Variants in CNTNAP5 observed in about 807,000 individuals in gnomAD.
CNTNAP5 encodes contactin associated protein family member 5, also known as contactin-associated protein-like 5.
A neutral mutation model predicts 150.2 loss-of-function variants in CNTNAP5; 72 were observed. The ratio of observed to expected loss-of-function variants is 0.48; its 90% CI spans 0.40 to 0.58. CNTNAP5 has a LOEUF of 0.58. Ranked by LOEUF, CNTNAP5 falls within the 20% of genes least tolerant of loss-of-function variation. The pLI is 0.00. For missense variants in CNTNAP5, 1,636 were observed against 1,626.2 expected (o/e 1.01, Z -0.10); for synonymous variants, 672 against 619.8 (o/e 1.08, Z -1.25).
chr2:124,177,724 A>G (rs1465520084), intron 1 of CNTNAP5, among the ~76,000 whole-genome samples: 3 of 152,202 alleles, frequency 2.0e-5, no homozygotes, highest in Admixed American at 2.0e-4. Context: ...ACCTCATAGC[A>G]AGGAGATATT....
intron 3 of CNTNAP5, among the ~76,000 whole-genome samples, chr2:124,297,397 C>T (rs1688461435): frequency 1.3e-5 from 2 of 152,138 alleles, no homozygotes. Flanking sequence ...ATGATACACC[C>T]TTTGGATCTT....
intron 19 of CNTNAP5, among the ~76,000 whole-genome samples, chr2:124,862,430 A>G (rs1045606370): frequency 1.3e-5 from 2 of 152,206 alleles, no homozygotes; most frequent in Admixed American, 1.3e-4. Flanking sequence ...TGCAATGTCT[A>G]TCATTGCTGT....
chr2:124,730,880 T>C (rs1323213122), intron 13 of CNTNAP5, among the ~76,000 whole-genome samples: 1 of 152,212 alleles, frequency 6.6e-6, no homozygotes, highest in Non-Finnish European at 1.5e-5. Context: ...TCTTCAGATA[T>C]GGGGCTGTGA....
chr2:124,846,960 G>T (rs1261420056), intron 19 of CNTNAP5, among the ~76,000 whole-genome samples: 3 of 152,212 alleles, frequency 2.0e-5, no homozygotes, highest in Non-Finnish European at 1.5e-5. Context: ...AACAGCAACT[G>T]CTGCAGTGGA....
intron 3 of CNTNAP5, among the ~76,000 whole-genome samples, chr2:124,318,920 G>T (rs1293546681): frequency 6.6e-6 from 1 of 152,128 alleles, no homozygotes; most frequent in Non-Finnish European, 1.5e-5. Flanking sequence ...AACTCTCCAG[G>T]CAGTCTTCCT....
At chr2:124,605,152 C>T (rs1697072763) in intron 11 of CNTNAP5, among the ~76,000 whole-genome samples, 1 of 152,218 alleles carries the variant, frequency 6.6e-6, no homozygotes, top group Admixed American at 6.5e-5. Flanking sequence ...AGAACTACAG[C>T]TTACCACCAC....
At chr2:124,654,490 G>T (rs1678398031) in intron 13 of CNTNAP5, among the ~76,000 whole-genome samples, 1 of 152,012 alleles carries the variant, frequency 6.6e-6, no homozygotes, top group East Asian at 1.9e-4. Context: ...TCTAATTCGG[G>T]GCTGTGTGTG....
intron 5 of CNTNAP5, among the ~76,000 whole-genome samples, chr2:124,437,790 A>G (rs1022916539): frequency 2.0e-5 from 3 of 152,160 alleles, no homozygotes; most frequent in Admixed American, 1.3e-4. Flanking sequence ...GGTGAGAGAG[A>G]CAGAGAGAAA....
At chr2:124,767,872 G>C (rs182814526) in intron 16 of CNTNAP5, among the ~76,000 whole-genome samples, 28 of 152,278 alleles carry the variant, frequency 1.8e-4, no homozygotes, top group Admixed American at 9.8e-4. Context: ...TCGGTCTAAG[G>C]CTGGCTCTCC....
Position 124,606,941 on chromosome 2 carries a change from G to A in CNTNAP5, c.1757-2860G>A, listed in dbSNP as rs148555031. Reference sequence around the variant, plus strand: ...CCATATTAAAAACTCATAAAAAAAGGAGAGGCAACAAGTCATGAAACAACA... The same window carrying A: ...CCATATTAAAAACTCATAAAAAAAGAAGAGGCAACAAGTCATGAAACAACA... On this transcript the variant is annotated intron_variant, in intron 11 of 23. Transcript: ENST00000682447. Among the ~76,000 whole-genome samples, 321 of 152,170 alleles carry A rather than the reference G, an allele frequency of 2.1e-3. 1 individual carries two copies. The highest frequency in any genetic ancestry group is 7.4e-3 in the African/African-American group (309 of 41,498).
intron 10 of CNTNAP5, among the ~76,000 whole-genome samples, chr2:124,540,668 G>A (rs1402844435): frequency 1.4e-5 from 2 of 142,808 alleles, no homozygotes; most frequent in African/African-American, 5.3e-5. Flanking sequence ...CTTTTTTTTA[G>A]TATTATGAAT....
rs1678719121 is a variant in CNTNAP5 at position 124,914,355 on chromosome 2, T to C, written c.*67T>C. The C allele has an allele frequency of 6.7e-5, 78 of 1,163,418 alleles. No homozygotes were observed. In the South Asian group the frequency reaches 1.1e-3, roughly 16 times the overall value. 72.1% of individuals were successfully genotyped at this position (1,163,418 alleles called of 1,614,324 possible). A position where few individuals can be genotyped will look rare whatever the true frequency, so the allele number is the denominator to read the frequency against. Reference sequence around the variant, plus strand: ...ATTATCTCCTCCCCCTCTTCTCTCCTGTCTTTTGATTTGGTCATTCTCTTT... The same window carrying C: ...ATTATCTCCTCCCCCTCTTCTCTCCCGTCTTTTGATTTGGTCATTCTCTTT... On this transcript the variant is annotated 3_prime_UTR_variant, in exon 24 of 24. Coordinates refer to ENST00000682447, the MANE Select transcript of CNTNAP5 (RefSeq NM_001367498.1).
intron 3 of CNTNAP5, among the ~76,000 whole-genome samples, chr2:124,243,519 T>C (rs918741439): frequency 3.3e-5 from 5 of 152,194 alleles, no homozygotes; most frequent in Non-Finnish European, 5.9e-5. Flanking sequence ...AGTATTAATG[T>C]CATCTTTATT....
intron 1 of CNTNAP5, among the ~76,000 whole-genome samples, chr2:124,151,648 C>G (rs1257922698): frequency 6.6e-6 from 1 of 152,192 alleles, no homozygotes; most frequent in Non-Finnish European, 1.5e-5. Context: ...GCCTAAGGCC[C>G]TTAAGAATAT....
intron 3 of CNTNAP5, among the ~76,000 whole-genome samples, chr2:124,363,594 C>A (rs571167266): frequency 2.6e-5 from 4 of 152,200 alleles, no homozygotes; most frequent in African/African-American, 9.6e-5. Context: ...ATTATTTATG[C>A]AAGATGAGTG....
intron 17 of CNTNAP5, among the ~76,000 whole-genome samples, chr2:124,784,907 C>G (rs1681530539): frequency 6.6e-6 from 1 of 152,060 alleles, no homozygotes; most frequent in Non-Finnish European, 1.5e-5. Context: ...AGAATACCTT[C>G]TTTCCCATTG....
intron 13 of CNTNAP5, among the ~76,000 whole-genome samples, chr2:124,670,291 T>C (rs1428184226): frequency 2.6e-5 from 4 of 151,888 alleles, no homozygotes; most frequent in African/African-American, 9.7e-5. Flanking sequence ...GCATATGTCA[T>C]TGTGGTTTTG....
At chr2:124,674,523 C>A (rs1338737701) in intron 13 of CNTNAP5, among the ~76,000 whole-genome samples, 6 of 118,724 alleles carry the variant, frequency 5.1e-5, no homozygotes, top group African/African-American at 2.0e-4. Flanking sequence ...TTCTTTCTTT[C>A]TTTCTTTCTT....
intron 19 of CNTNAP5, among the ~76,000 whole-genome samples, chr2:124,822,428 T>C (rs537608843): frequency 6.6e-6 from 1 of 152,206 alleles, no homozygotes. Flanking sequence ...ATTACAGTCA[T>C]ACTATTGTGT....
Sources: gnomAD v4.1 joint callset for allele counts (sites outside exome capture counted in the v4.1 genomes callset) on GRCh38, gnomAD v4.1.1 for gene constraint, MANE v1.5 for transcripts, NCBI Gene and HGNC (gene_info 2026-07-23, HGNC 2026-07-21) for gene names.